DSCAML1: variants seen among roughly 807,000 people sequenced by gnomAD.
DSCAML1 encodes cell adhesion molecule DSCAML1.
DSCAML1 carries 38 observed loss-of-function variants against 200.5 expected under a neutral mutation model. The observed-to-expected ratio is 0.19, with a 90% confidence interval of 0.15 to 0.25. The LOEUF (loss-of-function observed/expected upper bound fraction) is 0.25, where lower values mean the gene tolerates loss of function less well. Ranked by LOEUF, DSCAML1 falls within the 10% of genes least tolerant of loss-of-function variation. The probability of loss-of-function intolerance (pLI) is 1.00; values close to 1 mark genes in which losing one functional copy is unlikely to be tolerated. For missense variants in DSCAML1, 2,223 were observed against 2,858.8 expected (o/e 0.78, Z 5.07); for synonymous variants, 1,215 against 1,165.0 (o/e 1.04, Z -0.87).
At chr11:117,517,531 C>G (rs1359037880) in intron 7 of DSCAML1, among the ~76,000 whole-genome samples, 2 of 152,222 alleles carry the variant, frequency 1.3e-5, no homozygotes, top group Non-Finnish European at 2.9e-5. Flanking sequence ...CTCTGTCCCC[C>G]TTCCAATACA....
chr11:117,696,207 C>T (rs1021788118), intron 3 of DSCAML1, among the ~76,000 whole-genome samples: 2 of 152,162 alleles, frequency 1.3e-5, no homozygotes, highest in Admixed American at 6.5e-5. Context: ...ACAGCTGCCT[C>T]GAGTTTTCAA....
At chr11:117,788,812 G>A (rs1323485384) in intron 1 of DSCAML1, among the ~76,000 whole-genome samples, 1 of 152,226 alleles carries the variant, frequency 6.6e-6, no homozygotes, top group East Asian at 1.9e-4. Flanking sequence ...CGCAGTGGCA[G>A]AGCTGCATTT....
intron 3 of DSCAML1, among the ~76,000 whole-genome samples, chr11:117,723,261 CAA>C (rs2054070099): frequency 6.6e-6 from 1 of 152,166 alleles, no homozygotes; most frequent in Non-Finnish European, 1.5e-5. Flanking sequence ...ATATCTGCAC[CAA>C]AGTCACTGAT....
In DSCAML1 at chr11:117,718,668, A is replaced by ACC. The variant is rs60879756; in HGVS notation, c.511+58121_511+58122dup. Among the ~76,000 whole-genome samples, 16 of 25,826 alleles carry ACC rather than the reference A, an allele frequency of 6.2e-4. 1 individual carries two copies. Among genetic ancestry groups the ACC allele is most frequent in the African/African-American group, 1.2e-3 (13 of 10,710 alleles). The allele number at this position is 25,826 out of a possible 152,430, so 16.9% of individuals were successfully genotyped here. A position where few individuals can be genotyped will look rare whatever the true frequency, so the allele number is the denominator to read the frequency against. On this transcript the variant is annotated intron_variant, in intron 3 of 32. Transcript: ENST00000651296. ...CACACACACAAGATGAATACTCAAA[A>ACC]CCCCCCCCCCCCCCCATCATATGAG...
chr11:117,531,362 A>G (rs2050073358), intron 4 of DSCAML1, among the ~76,000 whole-genome samples: 1 of 152,080 alleles, frequency 6.6e-6, no homozygotes, highest in South Asian at 2.1e-4. Flanking sequence ...AACAGCACAC[A>G]CCTCACAGGG....
At chr11:117,790,281 C>T (rs961230523) in intron 1 of DSCAML1, among the ~76,000 whole-genome samples, 2 of 152,218 alleles carry the variant, frequency 1.3e-5, no homozygotes, top group African/African-American at 2.4e-5. Flanking sequence ...GGACTATGGA[C>T]TACACTTGCA....
chr11:117,584,938 C>T lies in DSCAML1; in HGVS notation c.512-52416G>A, dbSNP rs1400813775. Among the ~76,000 whole-genome samples, 5 of 152,166 alleles carry T rather than the reference C, an allele frequency of 3.3e-5. No homozygotes were observed. The South Asian group carries it at 1.0e-3, about 32-fold the overall frequency. On this transcript the variant is annotated intron_variant, in intron 3 of 32. Transcript: ENST00000651296. ...GGAAAGTACTCAGAATGATACTTGG[C>T]ACAGGACAAGTGTCCAATACATATT...
chr11:117,805,552 G>GT (rs2055701545), intron 1 of DSCAML1, among the ~76,000 whole-genome samples: 1 of 150,826 alleles, frequency 6.6e-6, no homozygotes, highest in African/African-American at 2.4e-5. Context: ...TTTTGTTTTT[G>GT]TTTTTTACTG....
chr11:117,781,100 C>T (rs757613049), intron 1 of DSCAML1, among the ~76,000 whole-genome samples: 1 of 152,024 alleles, frequency 6.6e-6, no homozygotes, highest in Non-Finnish European at 1.5e-5. Flanking sequence ...AGTTCATGAA[C>T]AGCCTGGCCA....
chr11:117,679,554 A>G (rs1049721354), intron 3 of DSCAML1, among the ~76,000 whole-genome samples: 4 of 152,158 alleles, frequency 2.6e-5, no homozygotes, highest in Admixed American at 6.5e-5. Context: ...TAGCCTGCTC[A>G]TATTCCTAAA....
chr11:117,757,438 A>T (rs925091319), intron 3 of DSCAML1, among the ~76,000 whole-genome samples: 7 of 152,166 alleles, frequency 4.6e-5, no homozygotes, highest in Non-Finnish European at 1.0e-4. Flanking sequence ...CCCTGCATTG[A>T]CCAGGACACA....
intron 3 of DSCAML1, among the ~76,000 whole-genome samples, chr11:117,599,811 C>T (rs908589975): frequency 5.3e-5 from 8 of 152,206 alleles, no homozygotes; most frequent in South Asian, 2.1e-4. Context: ...TAGCGACGCA[C>T]GCTTACTCAC....
At chr11:117,479,863 G>A (rs1284779205) in intron 14 of DSCAML1, among the ~76,000 whole-genome samples, 1 of 152,116 alleles carries the variant, frequency 6.6e-6, no homozygotes, top group African/African-American at 2.4e-5. Context: ...GACCAGACTG[G>A]TCTCGAACTC....
At chr11:117,815,110 C>T (rs942689434) in intron 1 of DSCAML1, among the ~76,000 whole-genome samples, 1 of 152,202 alleles carries the variant, frequency 6.6e-6, no homozygotes, top group African/African-American at 2.4e-5. Flanking sequence ...TTGCTGGGCG[C>T]CTCTGTGTTC....
chr11:117,792,658 C>A (rs1224188378), intron 1 of DSCAML1, among the ~76,000 whole-genome samples: 1 of 152,160 alleles, frequency 6.6e-6, no homozygotes, highest in Non-Finnish European at 1.5e-5. Flanking sequence ...CCATCAGCAA[C>A]TACCTCACTA....
intron 11 of DSCAML1, among the ~76,000 whole-genome samples, chr11:117,482,570 C>T (rs760417550): frequency 6.6e-6 from 1 of 152,094 alleles, no homozygotes; most frequent in Admixed American, 6.5e-5. Context: ...AGTGGTAGCT[C>T]GTATAATTGC....
chr11:117,609,523 TCTCAAGCTCCTGGG>T (rs1362225361), intron 3 of DSCAML1, among the ~76,000 whole-genome samples: 2 of 151,986 alleles, frequency 1.3e-5, no homozygotes, highest in Non-Finnish European at 2.9e-5. Flanking sequence ...CCCAGGCTGG[TCTCAAGCTCCTGGG>T]CTCAAGCAAT....
At chr11:117,565,564 G>C (rs2137424951) in intron 3 of DSCAML1, among the ~76,000 whole-genome samples, 1 of 152,324 alleles carries the variant, frequency 6.6e-6, no homozygotes, top group East Asian at 1.9e-4. Flanking sequence ...ATGAGGGCAG[G>C]GATCTTTGTT....
intron 1 of DSCAML1, among the ~76,000 whole-genome samples, chr11:117,815,173 A>T (rs1043535615): frequency 3.9e-5 from 6 of 152,212 alleles, no homozygotes; most frequent in Non-Finnish European, 8.8e-5. Context: ...GGGTGTATCC[A>T]GCTTTTCTCT....
Sources: gnomAD v4.1 joint callset for allele counts (sites outside exome capture counted in the v4.1 genomes callset) on GRCh38, gnomAD v4.1.1 for gene constraint, MANE v1.5 for transcripts, NCBI Gene and HGNC (gene_info 2026-07-23, HGNC 2026-07-21) for gene names.